BSCL2: variants seen among roughly 807,000 people sequenced by gnomAD.
BSCL2 encodes the protein BSCL2 lipid droplet biogenesis associated, seipin, also known as seipin.
Under a neutral mutation model 57.4 loss-of-function variants are expected in BSCL2, and 41 were observed. The ratio of observed to expected loss-of-function variants is 0.71; its 90% CI spans 0.56 to 0.93. BSCL2 has a LOEUF of 0.93. BSCL2 is among the 40% of genes least tolerant of loss of function. The pLI is 0.00. For missense variants in BSCL2, 539 were observed against 586.7 expected, an observed-to-expected ratio of 0.92 and a Z score of 0.84; for synonymous variants, 237 against 227.3, an observed-to-expected ratio of 1.04 and a Z score of -0.38.
At chr11:62,702,605 A>G in intron 2 of BSCL2, 56 bp from the exon 3 acceptor site, 1 of 1,498,588 alleles carries the variant, frequency 6.7e-7, no homozygotes, top group Non-Finnish European at 9.2e-7. Flanking sequence ...GTCCATCCAT[A>G]CACCTTCTTT....
intron 3 of BSCL2, among the ~76,000 whole-genome samples, chr11:62,699,673 TG>T (rs1007991893): frequency 9.5e-5 from 11 of 115,818 alleles, no homozygotes; most frequent in Admixed American, 3.6e-4. Context: ...AAATCCTATC[TG>T]GTTTTTTTTT....
In BSCL2 at chr11:62,705,355, TAGA is replaced by T; in HGVS notation, c.347_349del (p.Phe116del). 1.9e-6 allele frequency: 3 copies of T among 1,613,962 alleles called. No homozygotes were observed. The highest frequency in any genetic ancestry group is 2.5e-6 in the Non-Finnish European group (3 of 1,179,944). ...GCTGACTGTCGGCATATAGGAATAG[TAGA>T]AGGAGCCATAGAGGAAGACAGACAC... On this transcript the variant is annotated inframe_deletion, in exon 2 of 11. Coordinates refer to ENST00000360796, the MANE Select transcript of BSCL2 (RefSeq NM_001122955.4).
In BSCL2 at chr11:62,705,435, C is replaced by G; in HGVS notation, c.270G>C (p.Arg90Ser). The change falls in exon 2 of 11, where the codon AGG becomes AGC. Residue 90 changes from arginine (R) to serine (S), a missense_variant. Around this residue, in one of 3 missense-constraint regions of BSCL2, gnomAD observed 218 missense variants for 224.8 expected, o/e 0.97. Coordinates refer to ENST00000360796, the MANE Select transcript of BSCL2 (RefSeq NM_001122955.4). Reference sequence around the variant, plus strand: ...AGAGCACCCCAAACTGCAGCAGCAGCCTGCGGGCACGGCCTGCCAAGACTT... The same window carrying G: ...AGAGCACCCCAAACTGCAGCAGCAGGCTGCGGGCACGGCCTGCCAAGACTT... Reference protein sequence around the residue: ...VGQVLAGRARRLLLQFGVLFC... With the variant: ...VGQVLAGRARSLLLQFGVLFC... 1 of 1,614,224 alleles carries G rather than the reference C, an allele frequency of 6.2e-7. No homozygotes were observed. Among genetic ancestry groups the G allele is most frequent in the Non-Finnish European group, 8.5e-7 (1 of 1,180,048 alleles).
Position 62,690,289 on chromosome 11 carries a change from A to G in BSCL2, c.*78T>C, listed in dbSNP as rs566951883. 4.4e-6 allele frequency: 7 copies of G among 1,598,678 alleles called. No homozygotes were observed. The Admixed American group carries it at 1.0e-4, about 23-fold the overall frequency. On this transcript the variant is annotated 3_prime_UTR_variant, in exon 11 of 11. Transcript: ENST00000360796. Reference sequence around the variant, plus strand: ...GAGTCAAGGAAGAAGCTGACACAAAATAGTTTATTGAAGGAAAAACGAGGG... The same window carrying G: ...GAGTCAAGGAAGAAGCTGACACAAAGTAGTTTATTGAAGGAAAAACGAGGG...
upstream of BSCL2, chr11:62,709,197 C>A (rs1226739751): frequency 4.4e-6 from 2 of 457,350 alleles, no homozygotes; most frequent in African/African-American, 2.0e-5. Flanking sequence ...TCATCCAGAG[C>A]CTCAGGACAG....
At chr11:62,703,897 T>C (rs2134734812) in intron 2 of BSCL2, among the ~76,000 whole-genome samples, 1 of 137,084 alleles carries the variant, frequency 7.3e-6, no homozygotes, top group South Asian at 2.4e-4. Flanking sequence ...AGGGGGTGGA[T>C]CACGAGGTCA....
intron 6 of BSCL2, 24 bp from the exon 7 acceptor site, chr11:62,691,445 A>G (rs1028965003): frequency 1.6e-5 from 26 of 1,613,654 alleles, no homozygotes; most frequent in Non-Finnish European, 2.1e-5. Context: ...TAGGGACAAG[A>G]AGGTAGTAGC....
chr11:62,709,070 C>A, upstream of BSCL2: 2 of 493,822 alleles, frequency 4.1e-6, no homozygotes, highest in Admixed American at 2.7e-5. Context: ...ACTCTGCCAG[C>A]GCGTCCTGCC....
chr11:62,709,322 G>T (rs865806200), upstream of BSCL2: 1 of 454,086 alleles, frequency 2.2e-6, no homozygotes. Flanking sequence ...AGATCAGAGG[G>T]GTCGGGGGAT....
rs1366240591 is a variant in BSCL2, at chr11:62,702,543, G to A, written c.411C>T (p.Asp137=). Residue 137 remains aspartate (D), a synonymous_variant, in exon 3 of 11, where the codon GAC becomes GAT. Coordinates refer to ENST00000360796, the MANE Select transcript of BSCL2 (RefSeq NM_001122955.4). ...LSPVHFYYRT[D]CDSSTTSLCS... is the part of the protein sequence containing the mutation. ...AGAGTGAGGTGGTGGAGGAATCACA[G>A]TCGGTCCTAAATGAGATTGGAGGAG... is the stretch of plus-strand genomic sequence containing the variant. 1 of 1,611,494 alleles carries A rather than the reference G, an allele frequency of 6.2e-7. No homozygotes were observed. Among genetic ancestry groups the A allele is most frequent in the Admixed American group, 1.7e-5 (1 of 59,900 alleles).
intron 3 of BSCL2, among the ~76,000 whole-genome samples, chr11:62,698,777 T>G (rs983014494): frequency 6.6e-6 from 1 of 152,176 alleles, no homozygotes; most frequent in Non-Finnish European, 1.5e-5. Flanking sequence ...TCACACCTGA[T>G]CGTTTGAGGC....
intron 3 of BSCL2, among the ~76,000 whole-genome samples, chr11:62,696,406 G>A (rs1189955226): frequency 6.6e-6 from 1 of 150,868 alleles, no homozygotes; most frequent in Non-Finnish European, 1.5e-5. Flanking sequence ...CTATCCTCCT[G>A]CCTCTGCCTC....
intron 3 of BSCL2, among the ~76,000 whole-genome samples, chr11:62,701,052 G>C (rs1945624319): frequency 7.0e-6 from 1 of 143,262 alleles, no homozygotes. Context: ...TCCCAGGTTT[G>C]TTGACATCAC....
At chr11:62,693,449 A>G (rs1945364571) in intron 4 of BSCL2, among the ~76,000 whole-genome samples, 1 of 152,126 alleles carries the variant, frequency 6.6e-6, no homozygotes, top group African/African-American at 2.4e-5. Flanking sequence ...GGTTGCCGTG[A>G]GCCGAGATCA....
rs2134696423 is a variant in BSCL2 at position 62,692,750 on chromosome 11, C to T, written c.678G>A (p.Leu226=). ...CAAATAGCAGGAGGCTAGAGAAGACCAGTGTGTCCAGCATCTGGAGCAGGT... is the reference window on the plus strand; with the variant it reads ...CAAATAGCAGGAGGCTAGAGAAGACTAGTGTGTCCAGCATCTGGAGCAGGT... The part of the protein sequence containing the change: ...RSDLLQMLDT[L]VFSSLLLFGF... The change falls in exon 5 of 11, where the codon CTG becomes CTA. Residue 226 remains leucine, a synonymous_variant. Coordinates refer to ENST00000360796, the MANE Select transcript of BSCL2 (RefSeq NM_001122955.4). 1 of 1,614,096 alleles carries T rather than the reference C, an allele frequency of 6.2e-7. No individual in the cohort carries two copies. Among genetic ancestry groups the T allele is most frequent in the Non-Finnish European group, 8.5e-7 (1 of 1,180,030 alleles).
At chr11:62,693,069 C>A (rs1945354060) in intron 4 of BSCL2, among the ~76,000 whole-genome samples, 1 of 152,168 alleles carries the variant, frequency 6.6e-6, no homozygotes, top group Non-Finnish European at 1.5e-5. Context: ...CTCTGATCTG[C>A]CTTTCCCACC....
At chr11:62,704,737 C>A (rs1244159247) in intron 2 of BSCL2, among the ~76,000 whole-genome samples, 1 of 152,162 alleles carries the variant, frequency 6.6e-6, no homozygotes, top group Non-Finnish European at 1.5e-5. Context: ...CAGAGAGAGA[C>A]TCCACCTCAA....
rs142608646 is a variant in BSCL2 at position 62,692,403 on chromosome 11, C to A, written c.836G>T (p.Arg279Leu). 4.3e-6 allele frequency: 7 copies of A among 1,613,990 alleles called. No homozygotes were observed. The highest frequency in any genetic ancestry group is 2.5e-6 in the Non-Finnish European group (3 of 1,180,038). The change falls in exon 6 of 11, where the codon CGC becomes CTC. Residue 279 changes from arginine to leucine, a missense_variant. Physicochemically the swap from Arg to Leu is moderately radical, Grantham distance 102. This residue lies in a region of BSCL2 where 248 missense variants were observed against 239.9 expected (regional missense o/e 1.03). Coordinates refer to ENST00000360796, the MANE Select transcript of BSCL2 (RefSeq NM_001122955.4). ...GAGCCCAGTGAAGTGCGCGTGGATG[C>A]GGAGGTAGGCTCCATACAGCTGGAT... Reference protein sequence around the residue: ...KRIQLYGAYLRIHAHFTGLRY... With the variant: ...KRIQLYGAYLLIHAHFTGLRY...
chr11:62,703,882 G>A (rs1256690235), intron 2 of BSCL2, among the ~76,000 whole-genome samples: 3 of 151,560 alleles, frequency 2.0e-5, no homozygotes. Context: ...CACTTTGGGA[G>A]GCCAAGGGGG....
Sources: allele counts gnomAD v4.1 joint callset (sites outside exome capture counted in the v4.1 genomes callset), GRCh38; gene constraint gnomAD v4.1.1; regional missense constraint gnomAD v4.1.1; transcripts MANE v1.5; gene names NCBI Gene and HGNC (gene_info 2026-07-23, HGNC 2026-07-21).